PTPRE: variants seen among roughly 807,000 people sequenced by gnomAD.
The protein encoded by PTPRE is receptor-type tyrosine-protein phosphatase epsilon.
In PTPRE, 51 loss-of-function variants were observed where a neutral mutation model predicts 102.0. The ratio of observed to expected loss-of-function variants is 0.50; its 90% confidence interval spans 0.40 to 0.63. The LOEUF (loss-of-function observed/expected upper bound fraction) is 0.63. Ranked by LOEUF, PTPRE falls within the 30% of genes least tolerant of loss-of-function variation. The pLI is 0.00. For synonymous variants in PTPRE, 345 were observed against 348.2 expected (o/e 0.99, Z 0.10); for missense variants, 752 against 915.1 (o/e 0.82, Z 2.30).
At chr10:128,026,201 T>G (rs1465234649) in intron 2 of PTPRE, among the ~76,000 whole-genome samples, 1 of 152,222 alleles carries the variant, frequency 6.6e-6, no homozygotes, top group Non-Finnish European at 1.5e-5. Flanking sequence ...CCTCTCTGGT[T>G]GGCCAGCCAG....
intron 1 of PTPRE, among the ~76,000 whole-genome samples, chr10:127,914,326 T>C (rs1472017131): frequency 1.3e-5 from 2 of 152,214 alleles, no homozygotes; most frequent in Non-Finnish European, 2.9e-5. Context: ...TATTCCTTTA[T>C]TGCAATGCAA....
In PTPRE at chr10:128,049,637, G is replaced by A. The variant is rs776041258; in HGVS notation, c.391G>A (p.Asp131Asn). The change falls in exon 6 of 21, where the codon GAC becomes AAC. Residue 131 changes from aspartate (D) to asparagine (N), a missense_variant. Coordinates refer to ENST00000254667, the MANE Select transcript of PTPRE (RefSeq NM_006504.6). ...EEEIRIRSAD[D>N]CKQFREEFNS... is the part of the protein sequence containing the mutation. ...GGAGATCCGTATCAGATCCGCCGACGACTGCAAGCAGTTTCGGGAGGAGTT... is the reference window on the plus strand; with the variant it reads ...GGAGATCCGTATCAGATCCGCCGACAACTGCAAGCAGTTTCGGGAGGAGTT... 29 of 1,613,926 alleles carry A rather than the reference G, an allele frequency of 1.8e-5. 2 individuals are homozygous for A. In the Admixed American group the frequency reaches 3.7e-4, roughly 20 times the overall value.
chr10:128,009,010 G>T (rs996451967), intron 2 of PTPRE, among the ~76,000 whole-genome samples: 1 of 152,334 alleles, frequency 6.6e-6, no homozygotes, highest in East Asian at 1.9e-4. Flanking sequence ...GTCAGGGGTT[G>T]CTTGGAAACT....
At chr10:127,974,339 G>A (rs1488558558) in intron 1 of PTPRE, among the ~76,000 whole-genome samples, 1 of 152,176 alleles carries the variant, frequency 6.6e-6, no homozygotes, top group Non-Finnish European at 1.5e-5. Context: ...TTGTTCCAAG[G>A]TCAAAGCCAG....
At chr10:128,022,655 A>C (rs574751952) in intron 2 of PTPRE, among the ~76,000 whole-genome samples, 86 of 152,266 alleles carry the variant, frequency 5.6e-4, no homozygotes, top group African/African-American at 1.9e-3. Flanking sequence ...GACTCACAGG[A>C]GCTCATGTTC....
At chr10:128,023,866 T>C (rs1243570730) in intron 2 of PTPRE, among the ~76,000 whole-genome samples, 3 of 152,234 alleles carry the variant, frequency 2.0e-5, no homozygotes, top group Non-Finnish European at 2.9e-5. Flanking sequence ...TCTGTAATAA[T>C]ATTTTGGTCT....
intron 1 of PTPRE, among the ~76,000 whole-genome samples, chr10:127,965,674 A>C (rs1850192062): frequency 1.3e-5 from 2 of 152,220 alleles, no homozygotes; most frequent in Admixed American, 1.3e-4. Context: ...ATGTTAGAGG[A>C]TAACACTGGC....
At chr10:128,002,430 C>A (rs904148046) in intron 2 of PTPRE, among the ~76,000 whole-genome samples, 1 of 152,070 alleles carries the variant, frequency 6.6e-6, no homozygotes, top group Non-Finnish European at 1.5e-5. Flanking sequence ...GTGGGGAGCA[C>A]CCTCTATCTA....
chr10:127,926,641 G>C (rs1039710790), intron 1 of PTPRE, among the ~76,000 whole-genome samples: 6 of 152,052 alleles, frequency 3.9e-5, no homozygotes, highest in Non-Finnish European at 8.8e-5. Context: ...ACCAGGTCTA[G>C]CGACGGGCTC....
chr10:127,945,427 C>A (rs1848556612), intron 1 of PTPRE, among the ~76,000 whole-genome samples: 1 of 152,228 alleles, frequency 6.6e-6, no homozygotes, highest in Non-Finnish European at 1.5e-5. Context: ...CTGTGGACAC[C>A]TGTGTCTTAC....
chr10:127,942,063 C>T (rs1051252097), intron 1 of PTPRE, among the ~76,000 whole-genome samples: 4 of 152,144 alleles, frequency 2.6e-5, no homozygotes, highest in Non-Finnish European at 4.4e-5. Context: ...AGGTCAGCCT[C>T]CCCTGAAATG....
At chr10:128,016,553 A>G (rs1845447056) in intron 2 of PTPRE, among the ~76,000 whole-genome samples, 1 of 151,214 alleles carries the variant, frequency 6.6e-6, no homozygotes, top group African/African-American at 2.4e-5. Flanking sequence ...GAGACAGCTC[A>G]GGGTCCAGGG....
At chr10:128,051,841 G>A (rs558904446) in intron 6 of PTPRE, among the ~76,000 whole-genome samples, 3 of 152,224 alleles carry the variant, frequency 2.0e-5, no homozygotes, top group East Asian at 3.9e-4. Flanking sequence ...AACCCTGGGG[G>A]AGCTGCTTTT....
At chr10:128,017,669 G>A (rs1163306272) in intron 2 of PTPRE, among the ~76,000 whole-genome samples, 1 of 152,138 alleles carries the variant, frequency 6.6e-6, no homozygotes, top group Non-Finnish European at 1.5e-5. Flanking sequence ...ACATTCTGTG[G>A]GTTTGGACAG....
intron 2 of PTPRE, among the ~76,000 whole-genome samples, chr10:128,005,259 T>G (rs556442035): frequency 1.5e-4 from 23 of 152,238 alleles, no homozygotes; most frequent in African/African-American, 5.5e-4. Context: ...AGACTGAGCA[T>G]AGTGATGAAA....
chr10:127,936,593 C>T (rs946504333), intron 1 of PTPRE, among the ~76,000 whole-genome samples: 5 of 152,270 alleles, frequency 3.3e-5, no homozygotes, highest in African/African-American at 1.2e-4. Context: ...CCTGGGCTCT[C>T]CTGGCTCTAG....
Position 127,923,400 on chromosome 10 carries a change from T to C in PTPRE, c.-31+16091T>C, listed in dbSNP as rs1216914879. Among the ~76,000 whole-genome samples the C allele has an allele frequency of 1.4e-4, 19 of 140,016 alleles. No homozygotes were observed. The Admixed American group carries it at 1.6e-3, about 11-fold the overall frequency. The allele number at this position is 140,016 out of a possible 152,430, so 91.9% of individuals were successfully genotyped here. ...TCCTGATGTGAAAACCAGTTTGAAT[T>C]TTTTTTTTTTTTTTTTTTTTTGAGA... is the stretch of plus-strand genomic sequence containing the variant. On this transcript the variant is annotated intron_variant, in intron 1 of 20. Coordinates refer to ENST00000254667, the MANE Select transcript of PTPRE (RefSeq NM_006504.6).
At chr10:128,069,974 G>A in intron 13 of PTPRE, 147 bp downstream of exon 13, 3 of 1,212,210 alleles carry the variant, frequency 2.5e-6, no homozygotes, top group Non-Finnish European at 3.5e-6. Flanking sequence ...AGCCTTCCCT[G>A]CCCACGCGTG....
chr10:128,041,934 C>T (rs1272146959), intron 3 of PTPRE, among the ~76,000 whole-genome samples: 1 of 152,050 alleles, frequency 6.6e-6, no homozygotes, highest in East Asian at 1.9e-4. Flanking sequence ...ACCACTGGCC[C>T]CAGGAGGAGG....
Sources: allele counts gnomAD v4.1 joint callset (sites outside exome capture counted in the v4.1 genomes callset), GRCh38; gene constraint gnomAD v4.1.1; transcripts MANE v1.5; gene names NCBI Gene and HGNC (gene_info 2026-07-23, HGNC 2026-07-21).